The following KCNMB2 variants were observed in gnomAD, a reference collection of about 807,000 sequenced individuals.
The protein encoded by KCNMB2 is potassium calcium-activated channel subfamily M regulatory beta subunit 2.
Under a neutral mutation model 24.5 loss-of-function variants are expected in KCNMB2, and 9 were observed. The observed-to-expected ratio is 0.37, with a 90% confidence interval of 0.22 to 0.64. The LOEUF (loss-of-function observed/expected upper bound fraction) is 0.64. KCNMB2 is among the 30% of genes least tolerant of loss of function. The pLI, the probability that KCNMB2 is intolerant of heterozygous loss-of-function variation, is 0.63. For synonymous variants in KCNMB2, 109 were observed against 104.4 expected (o/e 1.04, Z -0.27); for missense variants, 226 against 284.3 (o/e 0.79, Z 1.47).
chr3:178,812,635 A>G (rs2108456515), intron 2 of KCNMB2, among the ~76,000 whole-genome samples: 1 of 152,180 alleles, frequency 6.6e-6, no homozygotes, highest in African/African-American at 2.4e-5. Flanking sequence ...AATCATCTGG[A>G]ACTGATACCC....
intron 1 of KCNMB2, among the ~76,000 whole-genome samples, chr3:178,727,685 C>T (rs1723009315): frequency 6.6e-6 from 1 of 152,002 alleles, no homozygotes; most frequent in Admixed American, 6.6e-5. Flanking sequence ...CCTCTAGTAG[C>T]TAGAAAAGAA....
intron 1 of KCNMB2, among the ~76,000 whole-genome samples, chr3:178,768,017 A>G (rs1292142782): frequency 2.2e-5 from 3 of 134,978 alleles, no homozygotes; most frequent in African/African-American, 9.1e-5. Flanking sequence ...GTTCTTGCCC[A>G]GTCTTTTTTT....
At chr3:178,559,795 A>G (rs948190497) in intron 1 of KCNMB2, among the ~76,000 whole-genome samples, 46 of 150,964 alleles carry the variant, frequency 3.0e-4, no homozygotes, top group African/African-American at 1.1e-3. Flanking sequence ...ATGATTATTA[A>G]TAGCCTGACT....
chr3:178,684,249 G>GA (rs1254486370), intron 1 of KCNMB2, among the ~76,000 whole-genome samples: 3 of 147,486 alleles, frequency 2.0e-5, no homozygotes, highest in Middle Eastern at 3.6e-3. Context: ...GCCAAACACA[G>GA]AAAAAAATTG....
rs188367143 is a variant in KCNMB2 at position 178,630,542 on chromosome 3, C to A, written c.-68+93831C>A. On this transcript the variant is annotated intron_variant, in intron 1 of 4. Coordinates refer to ENST00000452583, the MANE Select transcript of KCNMB2 (RefSeq NM_181361.3). ...GTTCCTAACTAGAGTTACATTGGGT[C>A]TGGAATATTACAAATTCTTTCTTGA... is the stretch of plus-strand genomic sequence containing the variant. Among the ~76,000 whole-genome samples, 133 of 152,294 alleles carry A rather than the reference C, an allele frequency of 8.7e-4. 1 individual carries two copies. Among genetic ancestry groups the A allele is most frequent in the Non-Finnish European group, 1.3e-3 (88 of 68,024 alleles).
intron 1 of KCNMB2, among the ~76,000 whole-genome samples, chr3:178,634,759 A>T (rs1719454584): frequency 1.3e-5 from 2 of 152,164 alleles, no homozygotes; most frequent in Admixed American, 1.3e-4. Context: ...CTCAGGGAGA[A>T]ATATTTAAGA....
At chr3:178,789,910 G>A (rs1713256421) in intron 1 of KCNMB2, among the ~76,000 whole-genome samples, 1 of 151,866 alleles carries the variant, frequency 6.6e-6, no homozygotes, top group African/African-American at 2.4e-5. Flanking sequence ...CACAACCCAG[G>A]GAGACACCAT....
chr3:178,541,127 A>T (rs2108446360), intron 1 of KCNMB2, among the ~76,000 whole-genome samples: 2 of 152,308 alleles, frequency 1.3e-5, no homozygotes, highest in Admixed American at 1.3e-4. Flanking sequence ...CCTTCAAGAA[A>T]GTTAAGGAAA....
intron 1 of KCNMB2, among the ~76,000 whole-genome samples, chr3:178,708,376 G>T (rs1577114610): frequency 6.6e-6 from 1 of 152,108 alleles, no homozygotes; most frequent in Non-Finnish European, 1.5e-5. Context: ...CTGGCATTGG[G>T]CTATGCTGTT....
In KCNMB2 at chr3:178,823,985, T is replaced by C. The variant is rs535412278; in HGVS notation, c.57-1603T>C. Among the ~76,000 whole-genome samples the C allele has an allele frequency of 2.1e-4, 32 of 152,332 alleles. No homozygotes were observed. In the South Asian group the frequency reaches 5.2e-3, roughly 25 times the overall value. On this transcript the variant is annotated intron_variant, in intron 2 of 4. Coordinates refer to ENST00000452583, the MANE Select transcript of KCNMB2 (RefSeq NM_181361.3). ...TGTCCTCCTTGCTGTTTCTAGGCTC[T>C]AAAGGCCAGCGATTTTCCCATTTCC...
intron 2 of KCNMB2, among the ~76,000 whole-genome samples, chr3:178,824,912 A>C (rs770940158): frequency 1.3e-5 from 2 of 152,310 alleles, no homozygotes; most frequent in South Asian, 4.1e-4. Flanking sequence ...AAACAAAAAT[A>C]CTAATAAAAT....
chr3:178,792,039 C>A (rs1404450373), intron 1 of KCNMB2, among the ~76,000 whole-genome samples: 1 of 152,064 alleles, frequency 6.6e-6, no homozygotes, highest in Non-Finnish European at 1.5e-5. Flanking sequence ...AATAAAAAAT[C>A]ATCTCAAGGT....
intron 1 of KCNMB2, among the ~76,000 whole-genome samples, chr3:178,720,217 G>C (rs1200748302): frequency 6.6e-6 from 1 of 151,888 alleles, no homozygotes; most frequent in Non-Finnish European, 1.5e-5. Flanking sequence ...ATCTATGAGT[G>C]AGAACATGCA....
At chr3:178,657,820 G>C (rs1720397107) in intron 1 of KCNMB2, among the ~76,000 whole-genome samples, 1 of 152,238 alleles carries the variant, frequency 6.6e-6, no homozygotes, top group South Asian at 2.1e-4. Context: ...ATGTTCAAAA[G>C]AGAACAAACA....
intron 1 of KCNMB2, among the ~76,000 whole-genome samples, chr3:178,775,033 G>C (rs1560016494): frequency 1.3e-5 from 2 of 152,186 alleles, no homozygotes; most frequent in Non-Finnish European, 2.9e-5. Context: ...ATCAGAAACA[G>C]ATTCACTTTC....
intron 1 of KCNMB2, among the ~76,000 whole-genome samples, chr3:178,797,945 T>C (rs750139646): frequency 1.3e-5 from 2 of 148,988 alleles, no homozygotes; most frequent in Non-Finnish European, 3.0e-5. Context: ...TTGCCTGTTG[T>C]TGGTGTACAG....
At chr3:178,836,647 C>G (rs1176502855) in intron 4 of KCNMB2, among the ~76,000 whole-genome samples, 1 of 151,988 alleles carries the variant, frequency 6.6e-6, no homozygotes, top group Non-Finnish European at 1.5e-5. Context: ...TGTTAAAGCA[C>G]AAAAGAAAGA....
At chr3:178,546,010 G>C (rs142907575) in intron 1 of KCNMB2, among the ~76,000 whole-genome samples, 10 of 152,064 alleles carry the variant, frequency 6.6e-5, no homozygotes, top group African/African-American at 2.4e-4. Flanking sequence ...GATAACTCAA[G>C]GTAACTGTTT....
In KCNMB2 at chr3:178,843,248, G is replaced by A. The variant is rs562812283; in HGVS notation, c.*311G>A. Reference sequence around the variant, plus strand: ...CATTTGCCAAGCTTCGTGGAGGAATGTAGGTGACATCAATGTGATAAAGTC... The same window carrying A: ...CATTTGCCAAGCTTCGTGGAGGAATATAGGTGACATCAATGTGATAAAGTC... On this transcript the variant is annotated 3_prime_UTR_variant, in exon 5 of 5. Transcript: ENST00000452583. The A allele has an allele frequency of 2.0e-6, 1 of 488,556 alleles. No individual in the cohort carries two copies. Among genetic ancestry groups the A allele is most frequent in the Non-Finnish European group, 4.0e-6 (1 of 248,492 alleles). The allele number at this position is 488,556 out of a possible 1,614,324, so 30.3% of individuals were successfully genotyped here.
Sources: allele counts gnomAD v4.1 joint callset (sites outside exome capture counted in the v4.1 genomes callset), GRCh38; gene constraint gnomAD v4.1.1; transcripts MANE v1.5; gene names NCBI Gene and HGNC (gene_info 2026-07-23, HGNC 2026-07-21).